Variants in BTBD10 observed in about 807,000 individuals in gnomAD.
BTBD10 encodes the protein BTB domain containing 10, also known as BTB/POZ domain-containing protein 10.
Under a neutral mutation model 53.2 loss-of-function variants are expected in BTBD10, and 21 were observed. The ratio of observed to expected loss-of-function variants is 0.39; its 90% CI spans 0.28 to 0.57. The LOEUF is 0.57. BTBD10 is among the 20% of genes least tolerant of loss of function. The pLI, the probability that BTBD10 is intolerant of heterozygous loss-of-function variation, is 0.53. For synonymous variants in BTBD10, 149 were observed against 192.7 expected (o/e 0.77, Z 1.88); for missense variants, 360 against 594.7 (o/e 0.61, Z 4.10).
At chr11:13,426,179 A>G (rs952172561) in intron 2 of BTBD10, among the ~76,000 whole-genome samples, 7 of 152,090 alleles carry the variant, frequency 4.6e-5, no homozygotes, top group Admixed American at 2.6e-4. Context: ...CTCTACAAAC[A>G]CTTTAAAGAA....
At chr11:13,430,820 A>C (rs1404829970) in intron 2 of BTBD10, among the ~76,000 whole-genome samples, 4 of 152,138 alleles carry the variant, frequency 2.6e-5, no homozygotes, top group Non-Finnish European at 5.9e-5. Flanking sequence ...GGAAACATAG[A>C]GTACTGTATA....
rs567503428 is a variant in BTBD10 at position 13,401,901 on chromosome 11, T to C, written c.1117+1267A>G. 2.8e-4 allele frequency among the ~76,000 whole-genome samples: 43 copies of C among 152,314 alleles called. 2 individuals carry two copies. Among genetic ancestry groups the C allele is most frequent in the African/African-American group, 1.0e-3 (42 of 41,576 alleles). On this transcript the variant is annotated intron_variant, in intron 8 of 8. Transcript: ENST00000278174. ...TTTATTATACCAGACATATGTATGTTTTCTGTACCACAAATATAGTAAGCT... is the reference window on the plus strand; with the variant it reads ...TTTATTATACCAGACATATGTATGTCTTCTGTACCACAAATATAGTAAGCT...
chr11:13,400,011 G>A lies in BTBD10; in HGVS notation c.1117+3157C>T, dbSNP rs535573298. Among the ~76,000 whole-genome samples, 7 of 152,352 alleles carry A rather than the reference G, an allele frequency of 4.6e-5. 2 individuals carry two copies. Among genetic ancestry groups the A allele is most frequent in the African/African-American group, 1.7e-4 (7 of 41,594 alleles). ...CGGGGCTCAGGGACCCACTTCAGGA[G>A]GCAGTCTGCCCGTTCTCAGATCTCA... On this transcript the variant is annotated intron_variant, in intron 8 of 8. Transcript: ENST00000278174.
chr11:13,413,858 C>A (rs1354154371), intron 5 of BTBD10, among the ~76,000 whole-genome samples: 1 of 152,180 alleles, frequency 6.6e-6, no homozygotes, highest in Non-Finnish European at 1.5e-5. Context: ...CAAATGAATT[C>A]ACCGACTTAG....
intron 4 of BTBD10, among the ~76,000 whole-genome samples, chr11:13,419,200 TTC>T (rs1950190634): frequency 6.6e-6 from 1 of 152,168 alleles, no homozygotes; most frequent in African/African-American, 2.4e-5. Context: ...GTATCCTGAC[TTC>T]AATAACTAAT....
chr11:13,404,535 C>A, intron 7 of BTBD10: 1 of 877,734 alleles, frequency 1.1e-6, no homozygotes, highest in Non-Finnish European at 1.4e-6. Flanking sequence ...ACTCCTTTTC[C>A]TTAACAGAAA....
At chr11:13,411,666 T>G (rs1158228054) in intron 6 of BTBD10, among the ~76,000 whole-genome samples, 1 of 152,174 alleles carries the variant, frequency 6.6e-6, no homozygotes, top group Non-Finnish European at 1.5e-5. Context: ...AACAAAAGAT[T>G]GCAGAACTAA....
chr11:13,445,261 T>C, intron 1 of BTBD10, 80 bp from the exon 2 acceptor site: 1 of 490,482 alleles, frequency 2.0e-6, no homozygotes. Context: ...GACTTGATAT[T>C]ATTGTGACAT....
chr11:13,462,151 A>T (rs1161904011), intron 1 of BTBD10, among the ~76,000 whole-genome samples: 1 of 152,066 alleles, frequency 6.6e-6, no homozygotes, highest in Non-Finnish European at 1.5e-5. Flanking sequence ...TCTTTCATTG[A>T]AAATTTATCC....
chr11:13,453,179 C>G lies in BTBD10; in HGVS notation c.-57-7998G>C, dbSNP rs114776369. On this transcript the variant is annotated intron_variant, in intron 1 of 8. Transcript: ENST00000278174. ...CCAGTAAAAATAAGATATATAGATA[C>G]AGATACAGAAAATATTTCAAAATAT... is the stretch of plus-strand genomic sequence containing the variant. Among the ~76,000 whole-genome samples the G allele has an allele frequency of 6.3e-3, 956 of 151,840 alleles. 14 individuals carry two copies. The highest frequency in any genetic ancestry group is 0.022 in the African/African-American group (899 of 41,416).
chr11:13,400,611 G>GGTAC (rs1299562451), intron 8 of BTBD10, among the ~76,000 whole-genome samples: 1 of 152,246 alleles, frequency 6.6e-6, no homozygotes, highest in Non-Finnish European at 1.5e-5. Flanking sequence ...AGTTGGAAAT[G>GGTAC]CAGAAATCAC....
chr11:13,398,135 A>C (rs1409299452), intron 8 of BTBD10, among the ~76,000 whole-genome samples: 1 of 152,168 alleles, frequency 6.6e-6, no homozygotes, highest in Admixed American at 6.5e-5. Flanking sequence ...TAATGTTGAC[A>C]GTGGGGTGTT....
At chr11:13,440,309 T>C (rs1197731770) in intron 2 of BTBD10, 1 of 1,133,822 alleles carries the variant, frequency 8.8e-7, no homozygotes, top group African/African-American at 1.6e-5. Flanking sequence ...TCTCCATCTC[T>C]GAGCAGTGAT....
intron 2 of BTBD10, among the ~76,000 whole-genome samples, chr11:13,433,972 T>C (rs1304955183): frequency 6.6e-6 from 1 of 152,204 alleles, no homozygotes; most frequent in Non-Finnish European, 1.5e-5. Flanking sequence ...GAATAAATGC[T>C]TAATTATGGA....
chr11:13,459,046 T>TA (rs796981869), intron 1 of BTBD10, among the ~76,000 whole-genome samples: 2 of 130,598 alleles, frequency 1.5e-5, no homozygotes, highest in Non-Finnish European at 3.2e-5. Context: ...TTATTTATTT[T>TA]TTTATTTATT....
chr11:13,445,809 A>G (rs1950740973), intron 1 of BTBD10, among the ~76,000 whole-genome samples: 1 of 152,172 alleles, frequency 6.6e-6, no homozygotes, highest in African/African-American at 2.4e-5. Context: ...TGCTATTTCT[A>G]CTATAGTCAA....
At chr11:13,423,416 AAG>A (rs1950280142) in intron 2 of BTBD10, among the ~76,000 whole-genome samples, 1 of 152,196 alleles carries the variant, frequency 6.6e-6, no homozygotes, top group South Asian at 2.1e-4. Context: ...GAACTATAAT[AAG>A]TAAGCTGACC....
At chr11:13,425,634 C>T (rs1950322528) in intron 2 of BTBD10, among the ~76,000 whole-genome samples, 1 of 151,890 alleles carries the variant, frequency 6.6e-6, no homozygotes, top group Admixed American at 6.6e-5. Flanking sequence ...AAAATGTTTA[C>T]ATGTGAGATG....
At position 13,444,392 on chromosome 11, in the gene BTBD10, A is replaced by G. The variant is rs545645956; in HGVS notation, c.101+632T>C. ...AATATGTGAGGTTTCTGAGTTGTCA[A>G]TTAACATCTTAAAATTTCAGATCAA... is the stretch of plus-strand genomic sequence containing the variant. On this transcript the variant is annotated intron_variant, in intron 2 of 8. Coordinates refer to ENST00000278174, the MANE Select transcript of BTBD10 (RefSeq NM_032320.7). Among the ~76,000 whole-genome samples, 7 of 152,318 alleles carry G rather than the reference A, an allele frequency of 4.6e-5. 1 individual carries two copies. The South Asian group carries it at 1.4e-3, about 32-fold the overall frequency.
Sources: gnomAD v4.1 joint callset for allele counts (sites outside exome capture counted in the v4.1 genomes callset) on GRCh38, gnomAD v4.1.1 for gene constraint, MANE v1.5 for transcripts, NCBI Gene and HGNC (gene_info 2026-07-23, HGNC 2026-07-21) for gene names.